MAGI2: variants seen among roughly 807,000 people sequenced by gnomAD.
MAGI2 encodes membrane associated guanylate kinase, WW and PDZ domain containing 2, also known as membrane-associated guanylate kinase, WW and PDZ domain-containing protein 2.
MAGI2 carries 35 observed loss-of-function variants against 133.3 expected under a neutral mutation model. The ratio of observed to expected loss-of-function variants is 0.26; its 90% confidence interval spans 0.20 to 0.35. The LOEUF (loss-of-function observed/expected upper bound fraction) is 0.35, where lower values mean the gene tolerates loss of function less well. MAGI2 is among the 10% of genes least tolerant of loss of function. MAGI2 has a pLI of 1.00. For missense variants in MAGI2, 1,636 were observed against 1,863.4 expected, an observed-to-expected ratio of 0.88 and a Z score of 2.25; for synonymous variants, 729 against 710.6, an observed-to-expected ratio of 1.03 and a Z score of -0.41.
At chr7:79,118,778 T>C (rs1186144957) in intron 1 of MAGI2, among the ~76,000 whole-genome samples, 1 of 152,124 alleles carries the variant, frequency 6.6e-6, no homozygotes, top group Non-Finnish European at 1.5e-5. Flanking sequence ...CTGATTCCAC[T>C]GGCCCATGAC....
At chr7:79,318,174 C>A (rs17152241) in intron 1 of MAGI2, among the ~76,000 whole-genome samples, 7,853 of 152,182 alleles carry the variant, frequency 0.052, 653 homozygotes, top group African/African-American at 0.18. Context: ...CCCTCCAGAC[C>A]TTTGACATAA....
At chr7:78,444,847 G>A (rs946884388) in intron 6 of MAGI2, among the ~76,000 whole-genome samples, 1 of 147,756 alleles carries the variant, frequency 6.8e-6, no homozygotes, top group East Asian at 2.0e-4. Context: ...ATGTATAAAT[G>A]TAAATATATA....
At chr7:78,706,085 C>T (rs558018438) in intron 2 of MAGI2, among the ~76,000 whole-genome samples, 3 of 152,094 alleles carry the variant, frequency 2.0e-5, no homozygotes, top group African/African-American at 4.8e-5. Context: ...GCATCATGCC[C>T]ATTTATCAAA....
At chr7:79,240,422 G>A (rs1053013319) in intron 1 of MAGI2, among the ~76,000 whole-genome samples, 4 of 151,796 alleles carry the variant, frequency 2.6e-5, no homozygotes, top group Non-Finnish European at 4.4e-5. Flanking sequence ...GTCACCTCCT[G>A]TTAGTGACAA....
At chr7:78,826,726 A>G (rs1790686436) in intron 2 of MAGI2, among the ~76,000 whole-genome samples, 1 of 152,188 alleles carries the variant, frequency 6.6e-6, no homozygotes, top group African/African-American at 2.4e-5. Context: ...ATTTAACTGC[A>G]TTACAAAAAA....
At position 78,049,839 on chromosome 7, in the gene MAGI2, T is replaced by G. The variant is rs1302279823; in HGVS notation, c.3706+29108A>C. On this transcript the variant is annotated intron_variant, in intron 21 of 21. Coordinates refer to ENST00000354212, the MANE Select transcript of MAGI2 (RefSeq NM_012301.4). ...TTGCAGAGATGTTGCAACGTTTTCT[T>G]ATTTAGTTCAGAAGGGGCAAATGAG... 3.9e-5 allele frequency among the ~76,000 whole-genome samples: 6 copies of G among 152,194 alleles called. No individual in the cohort carries two copies. In the East Asian group the frequency reaches 1.2e-3, roughly 29 times the overall value.
chr7:78,368,024 T>C (rs1181311837), intron 7 of MAGI2, among the ~76,000 whole-genome samples: 1 of 152,174 alleles, frequency 6.6e-6, no homozygotes, highest in African/African-American at 2.4e-5. Flanking sequence ...GCAGATTGCA[T>C]GTGGAAAATG....
chr7:78,891,248 C>G (rs947070971), intron 2 of MAGI2, among the ~76,000 whole-genome samples: 1 of 152,112 alleles, frequency 6.6e-6, no homozygotes, highest in African/African-American at 2.4e-5. Context: ...AGCTTACCAA[C>G]CAAAAAAAGT....
intron 1 of MAGI2, among the ~76,000 whole-genome samples, chr7:79,328,677 G>A (rs1356288879): frequency 6.6e-6 from 1 of 152,120 alleles, no homozygotes; most frequent in Non-Finnish European, 1.5e-5. Flanking sequence ...ATATTAAAAT[G>A]TAATGCAAAC....
chr7:78,328,502 AACACACACACACAC>A (rs1554346526), intron 9 of MAGI2, among the ~76,000 whole-genome samples: 2 of 105,098 alleles, frequency 1.9e-5, no homozygotes, highest in Non-Finnish European at 3.8e-5. Context: ...CCAGCTCTAA[AACACACACACACAC>A]ACACACACAC....
chr7:78,661,314 C>A (rs1812933019), intron 2 of MAGI2, among the ~76,000 whole-genome samples: 1 of 151,964 alleles, frequency 6.6e-6, no homozygotes. Flanking sequence ...ATGGAGATAC[C>A]TTTAAACCAT....
At chr7:79,121,281 C>A (rs2129544640) in intron 1 of MAGI2, among the ~76,000 whole-genome samples, 1 of 152,176 alleles carries the variant, frequency 6.6e-6, no homozygotes, top group Non-Finnish European at 1.5e-5. Flanking sequence ...CAAAAGCAAC[C>A]CATTCAGTGA....
chr7:78,391,521 G>A (rs1359863735), intron 6 of MAGI2, among the ~76,000 whole-genome samples: 2 of 152,170 alleles, frequency 1.3e-5, no homozygotes, highest in South Asian at 4.1e-4. Flanking sequence ...GAAACTTTGT[G>A]TGAGGAATAG....
At chr7:78,562,967 C>T (rs376816606) in intron 3 of MAGI2, among the ~76,000 whole-genome samples, 7 of 149,414 alleles carry the variant, frequency 4.7e-5, no homozygotes, top group Admixed American at 2.0e-4. Flanking sequence ...CCCTCCATCT[C>T]TTTGTCTCTT....
intron 7 of MAGI2, among the ~76,000 whole-genome samples, chr7:78,359,966 T>C (rs1386920316): frequency 6.6e-6 from 1 of 152,220 alleles, no homozygotes. Flanking sequence ...CATAAGCTAT[T>C]ACTAACATTG....
intron 3 of MAGI2, among the ~76,000 whole-genome samples, chr7:78,573,366 AT>A (rs1405412789): frequency 0.036 from 46 of 1,282 alleles, 5 homozygotes; most frequent in Middle Eastern, 0.33. Flanking sequence ...AATCCTGGAA[AT>A]ATATATATAT....
chr7:78,485,821 C>G (rs1294707976), intron 6 of MAGI2: 1 of 151,938 alleles, frequency 6.6e-6, no homozygotes. Context: ...TTTATGACAT[C>G]CAGCCCAGTA....
intron 6 of MAGI2, among the ~76,000 whole-genome samples, chr7:78,463,701 T>G (rs554006688): frequency 1.3e-5 from 2 of 151,998 alleles, no homozygotes; most frequent in African/African-American, 4.8e-5. Flanking sequence ...GCTAGAGAAA[T>G]TGAAAGTAAA....
chr7:78,663,715 C>T (rs1472419978), intron 2 of MAGI2, among the ~76,000 whole-genome samples: 1 of 152,182 alleles, frequency 6.6e-6, no homozygotes, highest in East Asian at 1.9e-4. Context: ...AAACAGTTAA[C>T]ACCACTACTG....
Sources: allele counts gnomAD v4.1 joint callset (sites outside exome capture counted in the v4.1 genomes callset), GRCh38; gene constraint gnomAD v4.1.1; transcripts MANE v1.5; gene names NCBI Gene and HGNC (gene_info 2026-07-23, HGNC 2026-07-21).